The following FAM135B variants were observed in gnomAD, a reference collection of about 807,000 sequenced individuals.
FAM135B encodes family with sequence similarity 135 member B.
A neutral mutation model predicts 127.7 loss-of-function variants in FAM135B; 43 were observed. The ratio of observed to expected loss-of-function variants is 0.34; its 90% CI spans 0.26 to 0.43. The LOEUF is 0.43. Ranked by LOEUF, FAM135B falls within the 20% of genes least tolerant of loss-of-function variation. FAM135B has a pLI of 1.00. For synonymous variants in FAM135B, 670 were observed against 665.1 expected, an observed-to-expected ratio of 1.01 and a Z score of -0.11; for missense variants, 1,558 against 1,725.6, an observed-to-expected ratio of 0.90 and a Z score of 1.72.
intron 3 of FAM135B, among the ~76,000 whole-genome samples, chr8:138,295,489 G>A (rs926452175): frequency 2.6e-5 from 4 of 152,088 alleles, no homozygotes; most frequent in Non-Finnish European, 1.5e-5. Context: ...GGGGCCAAGG[G>A]AGGAACTGGA....
intron 1 of FAM135B, among the ~76,000 whole-genome samples, chr8:138,422,847 AAG>A (rs1214623343): frequency 6.6e-6 from 1 of 152,232 alleles, no homozygotes; most frequent in Non-Finnish European, 1.5e-5. Flanking sequence ...TAATAGCAAA[AAG>A]ACATGTAATT....
At chr8:138,393,062 GC>G (rs1383439378) in intron 1 of FAM135B, among the ~76,000 whole-genome samples, 4 of 152,162 alleles carry the variant, frequency 2.6e-5, no homozygotes, top group Admixed American at 2.6e-4. Flanking sequence ...TACATGGATG[GC>G]GGCAGGCAAA....
chr8:138,161,510 T>G (rs1819388878), intron 12 of FAM135B, among the ~76,000 whole-genome samples: 1 of 152,336 alleles, frequency 6.6e-6, no homozygotes, highest in Non-Finnish European at 1.5e-5. Flanking sequence ...AAAAAAGGAC[T>G]GGATTTTTAT....
chr8:138,375,331 CAG>C (rs1305147966), intron 1 of FAM135B, among the ~76,000 whole-genome samples: 5 of 152,276 alleles, frequency 3.3e-5, no homozygotes, highest in Admixed American at 6.5e-5. Flanking sequence ...ATGTAAAATG[CAG>C]AGAGTCTAGG....
intron 4 of FAM135B, among the ~76,000 whole-genome samples, chr8:138,260,927 T>A (rs1019369359): frequency 2.0e-5 from 3 of 152,054 alleles, no homozygotes; most frequent in African/African-American, 7.2e-5. Flanking sequence ...CCGTGCTGTG[T>A]CCTCAACCTT....
At chr8:138,159,203 C>T (rs1279937618) in intron 12 of FAM135B, among the ~76,000 whole-genome samples, 13 of 137,990 alleles carry the variant, frequency 9.4e-5, no homozygotes, top group Admixed American at 3.1e-4. Context: ...ACCCGGGAAG[C>T]GGAGCTTGCA....
At chr8:138,248,419 G>A (rs1459613554) in intron 6 of FAM135B, among the ~76,000 whole-genome samples, 1 of 152,168 alleles carries the variant, frequency 6.6e-6, no homozygotes. Flanking sequence ...CTAAAGCTTA[G>A]TGACACCCAC....
At chr8:138,189,460 G>A (rs1213640269) in intron 9 of FAM135B, among the ~76,000 whole-genome samples, 5 of 152,192 alleles carry the variant, frequency 3.3e-5, no homozygotes, top group South Asian at 2.1e-4. Context: ...CCTCATTGGC[G>A]GAAAGCAACC....
intron 1 of FAM135B, among the ~76,000 whole-genome samples, chr8:138,422,758 T>C (rs1475262283): frequency 6.6e-6 from 1 of 152,234 alleles, no homozygotes; most frequent in Non-Finnish European, 1.5e-5. Context: ...AATTGTATTA[T>C]TGGGTGTATA....
rs1821656203 is a variant in FAM135B at position 138,250,941 on chromosome 8, G to C, written c.442C>G (p.Leu148Val). 1 of 1,613,814 alleles carries C rather than the reference G, an allele frequency of 6.2e-7. No individual in the cohort carries two copies. The highest frequency in any genetic ancestry group is 1.7e-5 in the Admixed American group (1 of 59,972). ...AACATGACCGGGACCTGGTGGTGCA[G>C]ACCATTCCGGGGGTGGAAGTGCAGG... ...LGLHFHPRNG[L>V]HHQVPVMFDY... The change falls in exon 6 of 20, where the codon CTG becomes GTG. Residue 148 changes from leucine (L) to valine (V), a missense_variant. By Grantham distance (32) the Leu-to-Val change is conservative. Transcript: ENST00000395297.
intron 11 of FAM135B, among the ~76,000 whole-genome samples, chr8:138,173,276 C>A (rs1276089461): frequency 1.3e-5 from 2 of 152,138 alleles, no homozygotes; most frequent in East Asian, 1.9e-4. Context: ...GAATACAGAG[C>A]GAAAGCATAA....
intron 1 of FAM135B, among the ~76,000 whole-genome samples, chr8:138,442,267 T>TATATATATACATAC (rs1554694338): frequency 9.2e-5 from 8 of 86,762 alleles, no homozygotes; most frequent in Admixed American, 2.5e-4. Flanking sequence ...TATATATATA[T>TATATATATACATAC]ATATATATAT....
intron 1 of FAM135B, among the ~76,000 whole-genome samples, chr8:138,416,897 T>A (rs1191656164): frequency 6.6e-6 from 1 of 151,772 alleles, no homozygotes; most frequent in Non-Finnish European, 1.5e-5. Flanking sequence ...TGGCCCAGAG[T>A]GGATCCTGGG....
At chr8:138,462,884 C>T (rs892127109) in intron 1 of FAM135B, among the ~76,000 whole-genome samples, 1 of 152,168 alleles carries the variant, frequency 6.6e-6, no homozygotes, top group African/African-American at 2.4e-5. Context: ...GTTTCAACCA[C>T]GACTTCTCTG....
At chr8:138,142,380 T>C (rs1338525051) in intron 16 of FAM135B, among the ~76,000 whole-genome samples, 2 of 138,314 alleles carry the variant, frequency 1.4e-5, no homozygotes, top group South Asian at 2.5e-4. Flanking sequence ...CTCGGCTCAC[T>C]GCAAGCTCTG....
At chr8:138,248,169 C>T (rs890804164) in intron 6 of FAM135B, among the ~76,000 whole-genome samples, 1 of 152,198 alleles carries the variant, frequency 6.6e-6, no homozygotes, top group African/African-American at 2.4e-5. Context: ...AACTGAAACT[C>T]ACATGCTCAA....
chr8:138,404,767 C>A (rs1833359196), intron 1 of FAM135B, among the ~76,000 whole-genome samples: 1 of 152,194 alleles, frequency 6.6e-6, no homozygotes, highest in Non-Finnish European at 1.5e-5. Context: ...TGTAGCAGTT[C>A]AGTCACATCT....
intron 3 of FAM135B, among the ~76,000 whole-genome samples, chr8:138,289,498 G>A (rs148081059): frequency 6.6e-6 from 1 of 152,346 alleles, no homozygotes; most frequent in Non-Finnish European, 1.5e-5. Flanking sequence ...ACATTTCTCA[G>A]AAGTGGTTCC....
chr8:138,175,486 C>G (rs1814366785), intron 11 of FAM135B, among the ~76,000 whole-genome samples: 1 of 152,206 alleles, frequency 6.6e-6, no homozygotes. Flanking sequence ...TTGGCTAAAA[C>G]AGACTTTCTC....
Sources: gnomAD v4.1 joint callset for allele counts (sites outside exome capture counted in the v4.1 genomes callset) on GRCh38, gnomAD v4.1.1 for gene constraint, MANE v1.5 for transcripts, NCBI Gene and HGNC (gene_info 2026-07-23, HGNC 2026-07-21) for gene names.